NDST3: variants seen among roughly 807,000 people sequenced by gnomAD.
The protein encoded by NDST3 is bifunctional heparan sulfate N-deacetylase/N-sulfotransferase 3.
In NDST3, 58 loss-of-function variants were observed where a neutral mutation model predicts 96.1. The observed-to-expected ratio is 0.60, with a 90% confidence interval of 0.49 to 0.75. The LOEUF (loss-of-function observed/expected upper bound fraction) is 0.75. NDST3 is among the 30% of genes least tolerant of loss of function. NDST3 has a pLI of 0.00. For missense variants in NDST3, 788 were observed against 1,034.2 expected (o/e 0.76, Z 3.27); for synonymous variants, 333 against 359.7 (o/e 0.93, Z 0.84).
At chr4:118,090,625 G>A (rs934232268) in intron 2 of NDST3, among the ~76,000 whole-genome samples, 1 of 151,788 alleles carries the variant, frequency 6.6e-6, no homozygotes, top group Non-Finnish European at 1.5e-5. Flanking sequence ...GCTGAAATCT[G>A]CATACTGATA....
intron 1 of NDST3, among the ~76,000 whole-genome samples, chr4:118,034,837 T>C (rs1233619542): frequency 2.0e-5 from 3 of 152,194 alleles, no homozygotes; most frequent in Admixed American, 6.5e-5. Context: ...AGAAATGACC[T>C]CTTGTAATTG....
chr4:118,242,274 C>A, intron 12 of NDST3, 125 bp downstream of exon 12: 3 of 558,626 alleles, frequency 5.4e-6, no homozygotes, highest in Non-Finnish European at 9.5e-6. Flanking sequence ...TTCAATTTGA[C>A]ATTAACCACG....
intron 2 of NDST3, among the ~76,000 whole-genome samples, chr4:118,072,872 G>C (rs1403044867): frequency 6.6e-6 from 1 of 152,026 alleles, no homozygotes; most frequent in Non-Finnish European, 1.5e-5. Context: ...GTTTGTCATA[G>C]ATATCCCTTA....
intron 6 of NDST3, among the ~76,000 whole-genome samples, chr4:118,145,471 A>G (rs762395681): frequency 3.2e-4 from 48 of 152,228 alleles, no homozygotes; most frequent in Non-Finnish European, 5.1e-4. Flanking sequence ...TCAAAGTTAA[A>G]TCATTCATGT....
At chr4:118,188,219 A>T (rs1164210867) in intron 6 of NDST3, among the ~76,000 whole-genome samples, 1 of 151,340 alleles carries the variant, frequency 6.6e-6, no homozygotes, top group Admixed American at 6.6e-5. Context: ...AACAAACCAA[A>T]CATTGATCAT....
chr4:118,085,260 G>C (rs1205906464), intron 2 of NDST3, among the ~76,000 whole-genome samples: 1 of 152,130 alleles, frequency 6.6e-6, no homozygotes, highest in Non-Finnish European at 1.5e-5. Flanking sequence ...AAAGTCTTCT[G>C]AAATGCTTCT....
intron 4 of NDST3, among the ~76,000 whole-genome samples, chr4:118,115,737 C>G (rs550205647): frequency 6.6e-6 from 1 of 152,156 alleles, no homozygotes; most frequent in South Asian, 2.1e-4. Context: ...GAATGGTTTT[C>G]TACACCAACT....
At chr4:118,190,303 T>C (rs1452359479) in intron 6 of NDST3, among the ~76,000 whole-genome samples, 1 of 152,166 alleles carries the variant, frequency 6.6e-6, no homozygotes, top group Non-Finnish European at 1.5e-5. Flanking sequence ...GACCTAAATA[T>C]ATTTAGCTTT....
At chr4:118,251,362 G>A (rs898600914) in intron 12 of NDST3, among the ~76,000 whole-genome samples, 15 of 151,632 alleles carry the variant, frequency 9.9e-5, no homozygotes, top group Admixed American at 2.6e-4. Flanking sequence ...TCCTGACCTC[G>A]TGATCCGCCT....
chr4:118,060,082 T>C (rs1725772145), intron 2 of NDST3, among the ~76,000 whole-genome samples: 1 of 152,120 alleles, frequency 6.6e-6, no homozygotes, highest in Non-Finnish European at 1.5e-5. Flanking sequence ...CACAACCTTG[T>C]TAACTACATT....
At chr4:118,218,798 G>A (rs1314835137) in intron 6 of NDST3, among the ~76,000 whole-genome samples, 3 of 152,012 alleles carry the variant, frequency 2.0e-5, no homozygotes, top group African/African-American at 4.8e-5. Flanking sequence ...AAACCCCATC[G>A]TCTCAGCTCC....
At chr4:118,190,082 T>C (rs1227288753) in intron 6 of NDST3, among the ~76,000 whole-genome samples, 2 of 152,000 alleles carry the variant, frequency 1.3e-5, no homozygotes, top group Non-Finnish European at 2.9e-5. Context: ...CAAAAGCATA[T>C]CTTGCTTTTG....
At chr4:118,225,784 A>C (rs1739836589) in intron 7 of NDST3, among the ~76,000 whole-genome samples, 1 of 152,212 alleles carries the variant, frequency 6.6e-6, no homozygotes, top group African/African-American at 2.4e-5. Flanking sequence ...AAGAGACATA[A>C]CTGCATATTT....
At chr4:118,176,160 T>G (rs1736266285) in intron 6 of NDST3, among the ~76,000 whole-genome samples, 1 of 151,898 alleles carries the variant, frequency 6.6e-6, no homozygotes, top group Non-Finnish European at 1.5e-5. Flanking sequence ...TCTAGTTACC[T>G]TTCTTGAATT....
intron 6 of NDST3, among the ~76,000 whole-genome samples, chr4:118,223,708 T>C (rs1193058897): frequency 6.6e-6 from 1 of 152,158 alleles, no homozygotes; most frequent in Non-Finnish European, 1.5e-5. Context: ...ATGAATGACC[T>C]ATTAAATTCA....
Position 118,143,612 on chromosome 4 carries a change from T to G in NDST3, c.1467T>G (p.Tyr489Ter). 1 of 1,610,396 alleles carries G rather than the reference T, an allele frequency of 6.2e-7. No individual in the cohort carries two copies. Among genetic ancestry groups the G allele is most frequent in the Non-Finnish European group, 8.5e-7 (1 of 1,178,756 alleles). The change falls in exon 6 of 14, where the codon TAT (tyrosine) becomes TAG (stop). Residue 489 changes from tyrosine (Y) to a stop codon, truncating the protein, a stop_gained. Transcript: ENST00000296499. LOFTEE classifies it high-confidence loss of function. The stretch of plus-strand genomic sequence containing the variant: ...CTCACACCATTTTCTACAAAGAATA[T>G]CCAGGGGGTCCTAAAGAGCTGGATA... Reference protein sequence around the residue: ...LFTHTIFYKEYPGGPKELDKS... With the variant: ...LFTHTIFYKE
chr4:118,189,700 G>A (rs1737180571), intron 6 of NDST3, among the ~76,000 whole-genome samples: 1 of 152,130 alleles, frequency 6.6e-6, no homozygotes, highest in East Asian at 1.9e-4. Flanking sequence ...AAGATAGCCT[G>A]AGACAGAATG....
chr4:118,225,228 G>A (rs1739799739), intron 7 of NDST3, among the ~76,000 whole-genome samples: 1 of 152,092 alleles, frequency 6.6e-6, no homozygotes, highest in African/African-American at 2.4e-5. Flanking sequence ...AATACCACAT[G>A]AATACAGCAT....
chr4:118,226,440 C>T (rs1739885865), intron 7 of NDST3, among the ~76,000 whole-genome samples: 2 of 152,088 alleles, frequency 1.3e-5, no homozygotes, highest in Admixed American at 1.3e-4. Context: ...AGTATTTTGG[C>T]CAGATCCCTA....
Sources: allele counts gnomAD v4.1 joint callset (sites outside exome capture counted in the v4.1 genomes callset), GRCh38; gene constraint gnomAD v4.1.1; transcripts MANE v1.5; gene names NCBI Gene and HGNC (gene_info 2026-07-23, HGNC 2026-07-21).